Variants in TAPT1 observed in about 807,000 individuals in gnomAD.
TAPT1 encodes transmembrane anterior posterior transformation protein 1 homolog.
In TAPT1, 28 loss-of-function variants were observed where a neutral mutation model predicts 65.6. The ratio of observed to expected loss-of-function variants is 0.43; its 90% CI spans 0.32 to 0.59. The LOEUF is 0.59. Among genes scored for constraint, TAPT1 ranks in the 20% least tolerant of loss-of-function variants. The pLI, the probability that TAPT1 is intolerant of heterozygous loss-of-function variation, is 0.09. For missense variants in TAPT1, 563 were observed against 679.9 expected (o/e 0.83, Z 1.91); for synonymous variants, 278 against 245.2 (o/e 1.13, Z -1.25).
intron 3 of TAPT1, chr4:16,196,548 C>A: frequency 2.3e-6 from 1 of 434,462 alleles, no homozygotes; most frequent in Non-Finnish European, 4.3e-6. Context: ...ACATTTTCTT[C>A]AGTATGTTTC....
intron 12 of TAPT1, 198 bp from the exon 13 acceptor site, chr4:16,166,991 CTTTT>C (rs5856341): frequency 3.8e-3 from 614 of 160,200 alleles, no homozygotes; most frequent in East Asian, 8.6e-3. Context: ...CCTTAGTTCT[CTTTT>C]TTTTTTTTTT....
At chr4:16,199,498 G>T (rs1422594666) in intron 3 of TAPT1, among the ~76,000 whole-genome samples, 1 of 152,110 alleles carries the variant, frequency 6.6e-6, no homozygotes, top group Non-Finnish European at 1.5e-5. Context: ...TTAGAGGTAG[G>T]GATCATTAAC....
chr4:16,226,985 T>G (rs745446358), upstream of TAPT1: 1 of 450,444 alleles, frequency 2.2e-6, no homozygotes, highest in South Asian at 1.6e-5. Context: ...TTGGCACTGC[T>G]GGCGCGGCCG....
chr4:16,189,503 G>T (rs531867255), intron 4 of TAPT1, among the ~76,000 whole-genome samples: 1 of 151,586 alleles, frequency 6.6e-6, no homozygotes, highest in African/African-American at 2.4e-5. Context: ...GCCTGATATT[G>T]TGCTAAACCC....
chr4:16,178,021 GCATAAAGACT>G (rs1024643980), intron 8 of TAPT1, among the ~76,000 whole-genome samples: 6 of 152,288 alleles, frequency 3.9e-5, no homozygotes, highest in African/African-American at 1.4e-4. Flanking sequence ...TGTCTAGGAG[GCATAAAGACT>G]ATTTGTCTTT....
chr4:16,187,321 G>A (rs1215776984), intron 5 of TAPT1, among the ~76,000 whole-genome samples: 1 of 152,144 alleles, frequency 6.6e-6, no homozygotes, highest in Non-Finnish European at 1.5e-5. Context: ...AATTCTGGAA[G>A]TGATTTTCTT....
chr4:16,168,258 G>T (rs980724561), intron 12 of TAPT1, among the ~76,000 whole-genome samples: 1 of 151,932 alleles, frequency 6.6e-6, no homozygotes, highest in Admixed American at 6.6e-5. Flanking sequence ...GACCACAGGC[G>T]TATGCCACCA....
intron 3 of TAPT1, among the ~76,000 whole-genome samples, chr4:16,199,105 C>A (rs757788927): frequency 6.6e-6 from 1 of 152,014 alleles, no homozygotes; most frequent in South Asian, 2.1e-4. Flanking sequence ...GCCTGAACTC[C>A]GTTTCATTTA....
rs1004014520 is a variant in TAPT1 at position 16,166,706 on chromosome 4, C to T, written c.1401G>A (p.Leu467=). 30 of 1,613,860 alleles carry T rather than the reference C, an allele frequency of 1.9e-5. No homozygotes were observed. Among genetic ancestry groups the T allele is most frequent in the Admixed American group, 5.0e-5 (3 of 59,994 alleles). The change falls in exon 13 of 14, where the codon CTG becomes CTA. Residue 467 remains leucine (L), a synonymous_variant. Coordinates refer to ENST00000405303, the MANE Select transcript of TAPT1 (RefSeq NM_153365.3). ...YVKEAKMEEK[L]SNPPATCTPG... ...GAGTGCAGGTTGCGGGAGGATTCGA[C>T]AGCTTCTCTTCCATTTTGGCTTCCT...
Position 16,186,585 on chromosome 4 carries a change from C to A in TAPT1, c.866G>T (p.Ser289Ile). 1 of 1,535,640 alleles carries A rather than the reference C, an allele frequency of 6.5e-7. No homozygotes were observed. The stretch of plus-strand genomic sequence containing the variant: ...GTTCTTTTCAAACTTCTTGAAAACA[C>A]TTCCTTTAATTTCAACAAACTGAAA... Reference protein sequence around the residue: ...MSNNFVEIKGSVFKKFEKNNL... With the variant: ...MSNNFVEIKGIVFKKFEKNNL... The change falls in exon 7 of 14, where the codon AGT becomes ATT. Residue 289 changes from serine (S) to isoleucine (I), a missense_variant. Physicochemically the swap from Ser to Ile is moderately radical, Grantham distance 142 (BLOSUM62 -2). This residue lies in a region of TAPT1 where 217 missense variants were observed against 317.5 expected (regional missense o/e 0.68). Transcript: ENST00000405303.
intron 8 of TAPT1, among the ~76,000 whole-genome samples, chr4:16,177,586 GTTTT>G (rs201097155): frequency 6.7e-6 from 1 of 150,076 alleles, no homozygotes; most frequent in African/African-American, 2.4e-5. Context: ...CCTTGGACAA[GTTTT>G]TTTTTTAATC....
chr4:16,203,606 G>C (rs1192655294), intron 2 of TAPT1, among the ~76,000 whole-genome samples: 2 of 152,130 alleles, frequency 1.3e-5, no homozygotes, highest in Admixed American at 6.5e-5. Context: ...TTGGACACAG[G>C]CACAGACAGA....
At chr4:16,178,126 G>A (rs568203399) in intron 8 of TAPT1, among the ~76,000 whole-genome samples, 1 of 152,184 alleles carries the variant, frequency 6.6e-6, no homozygotes, top group African/African-American at 2.4e-5. Flanking sequence ...TGCCCTTCAT[G>A]GACACCCTGT....
chr4:16,199,179 T>A (rs924820947), intron 3 of TAPT1, among the ~76,000 whole-genome samples: 1 of 152,194 alleles, frequency 6.6e-6, no homozygotes, highest in Non-Finnish European at 1.5e-5. Flanking sequence ...GAAACAGTTA[T>A]ATAATTTTAA....
At chr4:16,213,995 G>C (rs1750789984) in intron 1 of TAPT1, 97 bp from the exon 2 acceptor site, 3 of 1,001,678 alleles carry the variant, frequency 3.0e-6, no homozygotes, top group Admixed American at 3.2e-5. Context: ...ATAAAACAAA[G>C]AGACCAAAAT....
chr4:16,189,042 A>G (rs552322442), intron 4 of TAPT1, among the ~76,000 whole-genome samples: 3 of 152,192 alleles, frequency 2.0e-5, no homozygotes, highest in Non-Finnish European at 2.9e-5. Flanking sequence ...CTCATATCTA[A>G]TATTTGTAAA....
intron 7 of TAPT1, among the ~76,000 whole-genome samples, chr4:16,183,371 A>G (rs1390650064): frequency 6.6e-6 from 1 of 152,164 alleles, no homozygotes; most frequent in East Asian, 1.9e-4. Flanking sequence ...AATTTCTTGT[A>G]GACTGATATG....
intron 13 of TAPT1, among the ~76,000 whole-genome samples, chr4:16,164,845 A>G (rs1216718318): frequency 6.6e-6 from 1 of 152,218 alleles, no homozygotes; most frequent in Non-Finnish European, 1.5e-5. Context: ...CTTATAATGA[A>G]AAAAATAATT....
intron 7 of TAPT1, among the ~76,000 whole-genome samples, chr4:16,184,452 T>A (rs1364152576): frequency 2.0e-5 from 3 of 152,202 alleles, no homozygotes; most frequent in African/African-American, 7.2e-5. Context: ...TTGGCTAGTA[T>A]GAACAAAGCT....
Sources: allele counts gnomAD v4.1 joint callset (sites outside exome capture counted in the v4.1 genomes callset), GRCh38; gene constraint gnomAD v4.1.1; regional missense constraint gnomAD v4.1.1; transcripts MANE v1.5; gene names NCBI Gene and HGNC (gene_info 2026-07-23, HGNC 2026-07-21).